SOX5: variants seen among roughly 807,000 people sequenced by gnomAD.
SOX5 encodes the protein SRY-box transcription factor 5, also known as transcription factor SOX-5.
SOX5 carries 9 observed loss-of-function variants against 92.0 expected under a neutral mutation model. That is an observed-to-expected ratio of 0.10 (90% CI 0.06 to 0.17). SOX5 has a LOEUF of 0.17. Among genes scored for constraint, SOX5 ranks in the 10% least tolerant of loss-of-function variants. SOX5 has a pLI of 1.00. For missense variants in SOX5, 642 were observed against 944.5 expected (o/e 0.68, Z 4.20); for synonymous variants, 344 against 336.3 (o/e 1.02, Z -0.25).
At position 24,273,280 on chromosome 12, in the gene SOX5, T is replaced by C. The variant is rs143607084; in HGVS notation, c.-77+3936A>G. On this transcript the variant is annotated intron_variant, in intron 3 of 4. Coordinates refer to the SOX5 transcript ENST00000446891. The stretch of plus-strand genomic sequence containing the variant: ...TCTCAAAAAAAAGATTAGACTTATT[T>C]CTTCCTTGAATTTGCCTGCAAAGTC... Among the ~76,000 whole-genome samples, 242 of 152,296 alleles carry C rather than the reference T, an allele frequency of 1.6e-3. 3 individuals carry two copies. Among genetic ancestry groups the C allele is most frequent in the African/African-American group, 5.5e-3 (227 of 41,578 alleles).
chr12:23,974,086 G>A (rs1427015901), intron 4 of SOX5, among the ~76,000 whole-genome samples: 1 of 152,082 alleles, frequency 6.6e-6, no homozygotes, highest in Non-Finnish European at 1.5e-5. Context: ...AGCACAGTAA[G>A]AGATTAATAA....
At chr12:23,763,578 G>A (rs2094622452) in intron 3 of SOX5, among the ~76,000 whole-genome samples, 1 of 152,016 alleles carries the variant, frequency 6.6e-6, no homozygotes, top group Non-Finnish European at 1.5e-5. Flanking sequence ...GACTGGGGAG[G>A]TGCCACTTCT....
chr12:24,187,295 G>A (rs746243323), intron 4 of SOX5, among the ~76,000 whole-genome samples: 12 of 152,156 alleles, frequency 7.9e-5, no homozygotes, highest in East Asian at 1.9e-4. Context: ...GAAGAGTTGC[G>A]TTCCAACCCA....
intron 3 of SOX5, among the ~76,000 whole-genome samples, chr12:24,252,872 T>A (rs1305676932): frequency 6.6e-6 from 1 of 152,198 alleles, no homozygotes; most frequent in Non-Finnish European, 1.5e-5. Context: ...CCTTGTACTA[T>A]GAAATAAATG....
intron 3 of SOX5, among the ~76,000 whole-genome samples, chr12:23,843,255 T>C (rs1353913444): frequency 5.9e-5 from 9 of 152,172 alleles, no homozygotes; most frequent in Non-Finnish European, 1.2e-4. Context: ...GTGTTACCCT[T>C]GATGGTATCT....
chr12:24,153,506 A>C (rs1271058042), intron 4 of SOX5, among the ~76,000 whole-genome samples: 1 of 152,144 alleles, frequency 6.6e-6, no homozygotes, highest in African/African-American at 2.4e-5. Context: ...AGTTTTCTAG[A>C]AAACGCCAGG....
intron 1 of SOX5, among the ~76,000 whole-genome samples, chr12:24,425,698 T>C (rs532514611): frequency 5.0e-4 from 76 of 152,252 alleles, no homozygotes; most frequent in African/African-American, 1.8e-3. Flanking sequence ...TGGAATTAAG[T>C]TGGGTGGTTT....
chr12:24,360,609 GGTT>G (rs1174861149), intron 2 of SOX5, among the ~76,000 whole-genome samples: 1 of 152,164 alleles, frequency 6.6e-6, no homozygotes, highest in African/African-American at 2.4e-5. Flanking sequence ...GCAGCCTCGA[GGTT>G]TTTTGTCTGA....
chr12:23,849,985 A>G (rs1283527166), intron 2 of SOX5, among the ~76,000 whole-genome samples: 1 of 152,158 alleles, frequency 6.6e-6, no homozygotes, highest in Non-Finnish European at 1.5e-5. Context: ...ACTATCATCA[A>G]TTAGATTCTC....
chr12:23,577,176 C>CACATATAT (rs1273547543), intron 9 of SOX5, among the ~76,000 whole-genome samples: 117 of 76,928 alleles, frequency 1.5e-3, no homozygotes, highest in African/African-American at 5.3e-3. Context: ...CACACACACA[C>CACATATAT]ATATATATAT....
At chr12:23,977,508 A>G (rs1443006798) in intron 4 of SOX5, among the ~76,000 whole-genome samples, 1 of 152,100 alleles carries the variant, frequency 6.6e-6, no homozygotes, top group Non-Finnish European at 1.5e-5. Context: ...CATCTCTACT[A>G]AAGAATTAGC....
At chr12:24,230,997 C>T (rs902037499) in intron 3 of SOX5, among the ~76,000 whole-genome samples, 3 of 152,120 alleles carry the variant, frequency 2.0e-5, no homozygotes, top group Non-Finnish European at 2.9e-5. Context: ...TTTTGCATTC[C>T]CCGTTTTTGA....
intron 4 of SOX5, among the ~76,000 whole-genome samples, chr12:24,011,227 G>A (rs1275101596): frequency 3.9e-5 from 6 of 151,918 alleles, no homozygotes; most frequent in Non-Finnish European, 7.4e-5. Context: ...AAAAAAAATA[G>A]AAAACAATGT....
intron 4 of SOX5, among the ~76,000 whole-genome samples, chr12:23,753,698 T>C (rs1445552538): frequency 2.0e-5 from 3 of 151,792 alleles, no homozygotes; most frequent in Non-Finnish European, 4.4e-5. Flanking sequence ...TTGTCTAACT[T>C]CTGAAGCGGC....
Position 23,998,457 on chromosome 12 carries a change from C to T in SOX5, c.-1-102433G>A, listed in dbSNP as rs368658750. ...TTCTCAAAGACCTATGAGAATACTT[C>T]AAGTATACCAACATATGAATAATGG... On this transcript the variant is annotated intron_variant, in intron 4 of 4. Transcript: ENST00000446891. 1.3e-4 allele frequency among the ~76,000 whole-genome samples: 19 copies of T among 151,794 alleles called. No individual in the cohort carries two copies. In the East Asian group the frequency reaches 3.3e-3, roughly 26 times the overall value.
intron 2 of SOX5, among the ~76,000 whole-genome samples, chr12:23,871,833 G>A (rs769846071): frequency 8.2e-4 from 124 of 152,046 alleles, no homozygotes; most frequent in Non-Finnish European, 1.1e-3. Flanking sequence ...TATGGGTTCC[G>A]GCACTGTGCC....
intron 1 of SOX5, among the ~76,000 whole-genome samples, chr12:24,496,066 C>G (rs1178161902): frequency 6.6e-6 from 1 of 152,190 alleles, no homozygotes; most frequent in Non-Finnish European, 1.5e-5. Flanking sequence ...TTGAAACACT[C>G]TAATCTCATA....
intron 1 of SOX5, among the ~76,000 whole-genome samples, chr12:24,439,061 C>T (rs1009325802): frequency 3.2e-4 from 48 of 152,282 alleles, no homozygotes; most frequent in African/African-American, 1.0e-3. Flanking sequence ...AAGAAATTGT[C>T]ACTGCCACCC....
chr12:23,852,441 T>C (rs759662677), intron 2 of SOX5, among the ~76,000 whole-genome samples: 13 of 152,144 alleles, frequency 8.5e-5, no homozygotes, highest in Admixed American at 2.0e-4. Context: ...ACATTTCTTA[T>C]GTATTTTGGG....
Sources: allele counts gnomAD v4.1 joint callset (sites outside exome capture counted in the v4.1 genomes callset), GRCh38; gene constraint gnomAD v4.1.1; transcripts MANE v1.5; gene names NCBI Gene and HGNC (gene_info 2026-07-23, HGNC 2026-07-21).